Variants in KCNT2 observed in about 807,000 individuals in gnomAD.
KCNT2 encodes the protein potassium sodium-activated channel subfamily T member 2, also known as potassium channel subfamily T member 2.
Under a neutral mutation model 153.8 loss-of-function variants are expected in KCNT2, and 67 were observed. The observed-to-expected ratio is 0.44, with a 90% confidence interval of 0.36 to 0.53. The LOEUF (loss-of-function observed/expected upper bound fraction) is 0.53. KCNT2 is among the 20% of genes least tolerant of loss of function. The pLI, the probability that KCNT2 is intolerant of heterozygous loss-of-function variation, is 0.00. For missense variants in KCNT2, 975 were observed against 1,354.8 expected (o/e 0.72, Z 4.40); for synonymous variants, 500 against 458.8 (o/e 1.09, Z -1.15).
intron 1 of KCNT2, among the ~76,000 whole-genome samples, chr1:196,527,489 AATG>A (rs1273584393): frequency 2.6e-5 from 4 of 152,184 alleles, no homozygotes; most frequent in Admixed American, 6.5e-5. Flanking sequence ...ACGTAAAATG[AATG>A]ATATTAATAA....
intron 1 of KCNT2, among the ~76,000 whole-genome samples, chr1:196,574,262 T>C (rs1661105834): frequency 6.6e-6 from 1 of 151,974 alleles, no homozygotes; most frequent in South Asian, 2.1e-4. Flanking sequence ...TCTTATTGTA[T>C]GTTAATCAAC....
intron 21 of KCNT2, among the ~76,000 whole-genome samples, chr1:196,309,518 T>C (rs1661958700): frequency 1.3e-5 from 2 of 151,880 alleles, no homozygotes; most frequent in African/African-American, 4.8e-5. Flanking sequence ...CCATTTCTGT[T>C]CTACATAAAT....
intron 6 of KCNT2, among the ~76,000 whole-genome samples, chr1:196,468,137 G>A (rs2148666741): frequency 6.6e-6 from 1 of 152,168 alleles, no homozygotes; most frequent in South Asian, 2.1e-4. Context: ...GAACAAAGAG[G>A]AAAGGTACTC....
intron 1 of KCNT2, among the ~76,000 whole-genome samples, chr1:196,517,670 T>C (rs1046574570): frequency 6.6e-6 from 1 of 152,032 alleles, no homozygotes; most frequent in Non-Finnish European, 1.5e-5. Flanking sequence ...GGAAAGAATC[T>C]TAGAACTTGA....
At chr1:196,262,972 C>T (rs1389155492) in intron 25 of KCNT2, among the ~76,000 whole-genome samples, 1 of 151,820 alleles carries the variant, frequency 6.6e-6, no homozygotes, top group Non-Finnish European at 1.5e-5. Context: ...TTTATAAGAA[C>T]CTAGTATTTA....
intron 14 of KCNT2, among the ~76,000 whole-genome samples, chr1:196,356,619 C>G (rs1463043494): frequency 1.3e-5 from 2 of 151,792 alleles, no homozygotes; most frequent in African/African-American, 2.4e-5. Flanking sequence ...ATTGTAGGTA[C>G]TACCTATTGA....
At chr1:196,424,325 T>C (rs2148524347) in intron 11 of KCNT2, among the ~76,000 whole-genome samples, 1 of 152,076 alleles carries the variant, frequency 6.6e-6, no homozygotes, top group Non-Finnish European at 1.5e-5. Flanking sequence ...ATATTGAACA[T>C]AATATGAATG....
At chr1:196,589,875 T>C (rs1663134857) in intron 1 of KCNT2, among the ~76,000 whole-genome samples, 1 of 152,180 alleles carries the variant, frequency 6.6e-6, no homozygotes, top group African/African-American at 2.4e-5. Flanking sequence ...AGTGTACTCC[T>C]AAACCTTCTA....
intron 1 of KCNT2, among the ~76,000 whole-genome samples, chr1:196,526,790 C>G (rs955720714): frequency 1.3e-5 from 2 of 152,078 alleles, no homozygotes; most frequent in African/African-American, 4.8e-5. Flanking sequence ...GTGTTCTTGT[C>G]TGTTCCTTAA....
intron 13 of KCNT2, among the ~76,000 whole-genome samples, chr1:196,392,389 A>G (rs765736865): frequency 2.2e-4 from 33 of 151,288 alleles, no homozygotes; most frequent in Non-Finnish European, 4.9e-4. Context: ...AAAAAATGAG[A>G]ATTTTCAAAG....
At chr1:196,291,824 C>T (rs1011467702) in intron 22 of KCNT2, among the ~76,000 whole-genome samples, 1 of 152,066 alleles carries the variant, frequency 6.6e-6, no homozygotes, top group Non-Finnish European at 1.5e-5. Flanking sequence ...TAGCAACTGG[C>T]CAGAATTTTT....
At chr1:196,385,649 A>C (rs553962805) in intron 13 of KCNT2, among the ~76,000 whole-genome samples, 1 of 152,160 alleles carries the variant, frequency 6.6e-6, no homozygotes, top group African/African-American at 2.4e-5. Context: ...AAAGATTTAA[A>C]ATTTTAATGA....
chr1:196,598,940 T>G (rs1197056351), intron 1 of KCNT2, among the ~76,000 whole-genome samples: 2 of 152,246 alleles, frequency 1.3e-5, no homozygotes, highest in Non-Finnish European at 2.9e-5. Context: ...CCTTATCTTC[T>G]GCATTTTTAT....
chr1:196,589,209 G>C (rs951278431), intron 1 of KCNT2, among the ~76,000 whole-genome samples: 1 of 151,666 alleles, frequency 6.6e-6, no homozygotes, highest in African/African-American at 2.4e-5. Context: ...ATCTTCTATT[G>C]TATAACTCCA....
chr1:196,548,652 T>A (rs1249430437), intron 1 of KCNT2, among the ~76,000 whole-genome samples: 1 of 152,094 alleles, frequency 6.6e-6, no homozygotes, highest in Admixed American at 6.6e-5. Context: ...ATCCCATTAC[T>A]GCATATATAC....
At chr1:196,604,861 A>T (rs563059718) in intron 1 of KCNT2, among the ~76,000 whole-genome samples, 1 of 152,150 alleles carries the variant, frequency 6.6e-6, no homozygotes, top group Non-Finnish European at 1.5e-5. Context: ...CATTACATGT[A>T]CATTATGCCA....
rs1256962795 is a variant in KCNT2 at position 196,601,757 on chromosome 1, CA to C, written c.95+6457del. 2.0e-5 allele frequency among the ~76,000 whole-genome samples: 3 copies of C among 152,238 alleles called. No individual in the cohort carries two copies. In the East Asian group the frequency reaches 5.8e-4, roughly 29 times the overall value. On this transcript the variant is annotated intron_variant, in intron 1 of 27. Coordinates refer to ENST00000294725, the MANE Select transcript of KCNT2 (RefSeq NM_198503.5). ...TTTTTAGAATTGCCACATAAAATTACAAAACAATGTAAAAGATAAATTGCCC... is the reference window on the plus strand; with the variant it reads ...TTTTTAGAATTGCCACATAAAATTACAAACAATGTAAAAGATAAATTGCCC...
intron 1 of KCNT2, among the ~76,000 whole-genome samples, chr1:196,579,167 T>A (rs1661720662): frequency 6.6e-6 from 1 of 152,120 alleles, no homozygotes; most frequent in Admixed American, 6.6e-5. Context: ...GTCATATAGA[T>A]TATTTTCCTT....
Position 196,506,210 on chromosome 1 carries a change from T to C in KCNT2, c.96-13869A>G, listed in dbSNP as rs142720810. ...ATTTGATTACCAGGTCTGATAACTA[T>C]TCTCTGTAAAATGCAGGTATTACTT... On this transcript the variant is annotated intron_variant, in intron 1 of 27. Coordinates refer to ENST00000294725, the MANE Select transcript of KCNT2 (RefSeq NM_198503.5). Among the ~76,000 whole-genome samples the C allele has an allele frequency of 1.1e-3, 163 of 152,310 alleles. 2 individuals carry two copies. In the East Asian group the frequency reaches 0.029, roughly 27 times the overall value.
Sources: gnomAD v4.1 joint callset for allele counts (sites outside exome capture counted in the v4.1 genomes callset) on GRCh38, gnomAD v4.1.1 for gene constraint, MANE v1.5 for transcripts, NCBI Gene and HGNC (gene_info 2026-07-23, HGNC 2026-07-21) for gene names.